The following FOXJ3 variants were observed in gnomAD, a reference collection of about 807,000 sequenced individuals.
FOXJ3 encodes forkhead box protein J3.
Under a neutral mutation model 76.1 loss-of-function variants are expected in FOXJ3, and 22 were observed. That is an observed-to-expected ratio of 0.29 (90% CI 0.21 to 0.41). FOXJ3 has a LOEUF of 0.41. FOXJ3 is among the 10% of genes least tolerant of loss of function. The probability of loss-of-function intolerance (pLI) is 1.00; values close to 1 mark genes in which losing one functional copy is unlikely to be tolerated. For missense variants in FOXJ3, 613 were observed against 762.1 expected, an observed-to-expected ratio of 0.80 and a Z score of 2.30; for synonymous variants, 269 against 261.2, an observed-to-expected ratio of 1.03 and a Z score of -0.29.
chr1:42,186,824 G>A (rs1019973988), intron 11 of FOXJ3, among the ~76,000 whole-genome samples: 62 of 152,128 alleles, frequency 4.1e-4, no homozygotes, highest in Admixed American at 4.1e-3. Context: ...TGCCTAACAT[G>A]TACACTGGCT....
At chr1:42,209,249 T>C (rs915218715) in intron 5 of FOXJ3, among the ~76,000 whole-genome samples, 1 of 152,236 alleles carries the variant, frequency 6.6e-6, no homozygotes, top group Non-Finnish European at 1.5e-5. Flanking sequence ...AGCATTTCTA[T>C]ACACTAACAA....
intron 7 of FOXJ3, among the ~76,000 whole-genome samples, chr1:42,195,587 T>C (rs1362397292): frequency 1.3e-5 from 2 of 152,226 alleles, no homozygotes; most frequent in South Asian, 2.1e-4. Flanking sequence ...GGAAAACTTA[T>C]CTTTAAAAGC....
chr1:42,214,123 G>A (rs938653752), intron 5 of FOXJ3, among the ~76,000 whole-genome samples: 4 of 151,978 alleles, frequency 2.6e-5, no homozygotes, highest in African/African-American at 7.3e-5. Flanking sequence ...TTGGTATGAG[G>A]CACTGTACTC....
intron 2 of FOXJ3, among the ~76,000 whole-genome samples, chr1:42,297,354 TAAG>T (rs1653854419): frequency 6.6e-6 from 1 of 152,234 alleles, no homozygotes; most frequent in Non-Finnish European, 1.5e-5. Flanking sequence ...TTCCTGTTCT[TAAG>T]GAGAATGTTT....
chr1:42,280,463 A>AAAC (rs1652625633), intron 2 of FOXJ3: 1 of 941,932 alleles, frequency 1.1e-6, no homozygotes, highest in Non-Finnish European at 1.3e-6. Flanking sequence ...AAAAAAAAAA[A>AAAC]AAACTTACTA....
At chr1:42,191,091 G>A (rs1374185865) in intron 9 of FOXJ3, among the ~76,000 whole-genome samples, 1 of 131,872 alleles carries the variant, frequency 7.6e-6, no homozygotes, top group African/African-American at 2.9e-5. Context: ...AAACCTGCAA[G>A]GGTTGCTGGG....
rs562102358 is a variant in FOXJ3 at position 42,179,531 on chromosome 1, G to C, written c.*179C>G. The C allele has an allele frequency of 4.4e-6, 2 of 458,482 alleles. No individual in the cohort carries two copies. Among genetic ancestry groups the C allele is most frequent in the African/African-American group, 4.0e-5 (2 of 50,600 alleles). 28.4% of individuals were successfully genotyped at this position (458,482 alleles called of 1,614,324 possible). On this transcript the variant is annotated 3_prime_UTR_variant, in exon 13 of 13. Coordinates refer to ENST00000361346, the MANE Select transcript of FOXJ3 (RefSeq NM_014947.5). Reference sequence around the variant, plus strand: ...GGAGACAAACATGTAGTACTTGCTTGGGTCAGATAAAAGCAGTAAGTTATC... The same window carrying C: ...GGAGACAAACATGTAGTACTTGCTTCGGTCAGATAAAAGCAGTAAGTTATC...
At chr1:42,291,083 T>TAGATAGAC (rs1553167260) in intron 2 of FOXJ3, among the ~76,000 whole-genome samples, 106 of 126,444 alleles carry the variant, frequency 8.4e-4, no homozygotes, top group African/African-American at 1.6e-3. Context: ...GATAGATAGA[T>TAGATAGAC]AGACAGACAG....
At chr1:42,246,857 T>TA (rs1649596040) in intron 4 of FOXJ3, among the ~76,000 whole-genome samples, 1 of 152,084 alleles carries the variant, frequency 6.6e-6, no homozygotes, top group South Asian at 2.1e-4. Context: ...AATACTATCA[T>TA]AAAAAAGAAT....
intron 1 of FOXJ3, among the ~76,000 whole-genome samples, chr1:42,317,573 TAA>T (rs1655191820): frequency 7.0e-6 from 1 of 142,062 alleles, no homozygotes; most frequent in Non-Finnish European, 1.5e-5. Context: ...GCAAGTGATA[TAA>T]GAGAGAGAAA....
intron 2 of FOXJ3, among the ~76,000 whole-genome samples, chr1:42,299,323 A>G (rs1294253770): frequency 6.7e-6 from 1 of 149,484 alleles, no homozygotes; most frequent in African/African-American, 2.4e-5. Context: ...GGATAGTTAA[A>G]TCTTCTTGTT....
At chr1:42,296,650 T>C (rs180768225) in intron 2 of FOXJ3, among the ~76,000 whole-genome samples, 53 of 152,368 alleles carry the variant, frequency 3.5e-4, no homozygotes, top group African/African-American at 1.2e-3. Context: ...CTCTCTATTC[T>C]GTTCCACTGA....
intron 1 of FOXJ3, among the ~76,000 whole-genome samples, chr1:42,324,158 T>A (rs560806015): frequency 0.071 from 809 of 11,362 alleles, 16 homozygotes; most frequent in African/African-American, 0.12. Context: ...ATATATACAC[T>A]GTGTATATAT....
At chr1:42,294,484 C>T (rs913499981) in intron 2 of FOXJ3, among the ~76,000 whole-genome samples, 1 of 151,912 alleles carries the variant, frequency 6.6e-6, no homozygotes, top group Non-Finnish European at 1.5e-5. Flanking sequence ...TGAGGCCAGG[C>T]GCGGTGGCTC....
chr1:42,204,456 TTCC>T (rs2124311376), intron 6 of FOXJ3, among the ~76,000 whole-genome samples: 1 of 152,316 alleles, frequency 6.6e-6, no homozygotes, highest in African/African-American at 2.4e-5. Flanking sequence ...TCATTACTAC[TTCC>T]TAATTGTTTC....
intron 4 of FOXJ3, among the ~76,000 whole-genome samples, chr1:42,256,191 T>G (rs1650573295): frequency 6.6e-6 from 1 of 152,168 alleles, no homozygotes; most frequent in South Asian, 2.1e-4. Context: ...CCTGATGGCA[T>G]ACACAAGTCA....
intron 6 of FOXJ3, among the ~76,000 whole-genome samples, chr1:42,202,976 A>C (rs1569850964): frequency 6.6e-6 from 1 of 152,166 alleles, no homozygotes; most frequent in South Asian, 2.1e-4. Context: ...CACTAAAAAC[A>C]ACCTTGTGTG....
intron 3 of FOXJ3, among the ~76,000 whole-genome samples, chr1:42,273,216 T>C (rs1651992028): frequency 1.3e-5 from 2 of 152,228 alleles, no homozygotes; most frequent in Admixed American, 1.3e-4. Flanking sequence ...TACAGAGCTT[T>C]TTACACAGCA....
chr1:42,317,498 TA>T (rs1384043764), intron 1 of FOXJ3, among the ~76,000 whole-genome samples: 1 of 103,220 alleles, frequency 9.7e-6, no homozygotes, highest in Non-Finnish European at 1.9e-5. Flanking sequence ...GCCACACAGA[TA>T]ATTAAGAGAA....
Sources: gnomAD v4.1 joint callset for allele counts (sites outside exome capture counted in the v4.1 genomes callset) on GRCh38, gnomAD v4.1.1 for gene constraint, MANE v1.5 for transcripts, NCBI Gene and HGNC (gene_info 2026-07-23, HGNC 2026-07-21) for gene names.